DMD: variants seen among roughly 807,000 people sequenced by gnomAD.
The protein encoded by DMD is mutant dystrophin.
In DMD, 63 loss-of-function variants were observed where a neutral mutation model predicts 330.1. The observed-to-expected ratio is 0.19, with a 90% CI of 0.16 to 0.24. The LOEUF (loss-of-function observed/expected upper bound fraction) is 0.24. DMD is among the 10% of genes least tolerant of loss of function. The probability of loss-of-function intolerance (pLI) is 1.00; values close to 1 mark genes in which losing one functional copy is unlikely to be tolerated. For missense variants in DMD, 3,344 were observed against 2,684.1 expected, an observed-to-expected ratio of 1.25 and a Z score of -5.43; for synonymous variants, 1,223 against 959.8, an observed-to-expected ratio of 1.27 and a Z score of -5.07.
chrX:32,312,305 GA>G (rs1373768710), intron 41 of DMD, among the ~76,000 whole-genome samples: 1 of 111,113 alleles, frequency 9.0e-6, no homozygotes, highest in Non-Finnish European at 1.9e-5. Context: ...TTTCTTAAAA[GA>G]AAAATAATTC....
At chrX:33,078,541 T>A (rs1427199128) in intron 1 of DMD, among the ~76,000 whole-genome samples, 1 of 112,211 alleles carries the variant, frequency 8.9e-6, no homozygotes, top group Non-Finnish European at 1.9e-5. Context: ...AAATAAGTTA[T>A]GTTGACTCTG....
In DMD at chrX:33,008,041, T is replaced by C. The variant is rs995544272; in HGVS notation, c.93+12098A>G. 4.5e-5 allele frequency among the ~76,000 whole-genome samples: 5 copies of C among 111,400 alleles called. No individual in the cohort carries two copies. The Admixed American group carries it at 4.8e-4, about 11-fold the overall frequency. On this transcript the variant is annotated intron_variant, in intron 2 of 78. Transcript: ENST00000357033. The stretch of plus-strand genomic sequence containing the variant: ...GCTAATGCTAAACCAAAGAGTAACT[T>C]CACACATTTCTAATGAAAAGGTCTC...
intron 7 of DMD, among the ~76,000 whole-genome samples, chrX:32,796,945 A>G (rs1168860039): frequency 8.9e-6 from 1 of 112,249 alleles, no homozygotes; most frequent in Non-Finnish European, 1.9e-5. Context: ...ATATTGTTGT[A>G]AAATAGTATA....
chrX:32,862,260 G>A (rs1429498881), intron 2 of DMD, among the ~76,000 whole-genome samples: 2 of 112,159 alleles, frequency 1.8e-5, no homozygotes, highest in African/African-American at 6.5e-5. Flanking sequence ...GATATAAAAT[G>A]TTATTTGGCA....
chrX:31,317,337 G>GA lies in DMD; in HGVS notation c.9224+6260dup, dbSNP rs113587801. Among the ~76,000 whole-genome samples the GA allele has an allele frequency of 3.0e-3, 333 of 110,486 alleles. 2 individuals carry two copies. Among genetic ancestry groups the GA allele is most frequent in the African/African-American group, 0.011 (324 of 30,360 alleles). On this transcript the variant is annotated intron_variant, in intron 62 of 78. Coordinates refer to ENST00000357033, the MANE Select transcript of DMD (RefSeq NM_004006.3). ...TAGCTGCTAAAAGGTATATTTTGAAGAAAAATATACATAAGAAGGATCTTA... is the reference window on the plus strand; with the variant it reads ...TAGCTGCTAAAAGGTATATTTTGAAGAAAAAATATACATAAGAAGGATCTTA...
chrX:31,223,801 T>C lies in DMD; in HGVS notation c.9287-680A>G, dbSNP rs541123305. On this transcript the variant is annotated intron_variant, in intron 63 of 78. Coordinates refer to ENST00000357033, the MANE Select transcript of DMD (RefSeq NM_004006.3). ...CTACAAAAAAAGTTTATATAAACCT[T>C]TTAAATAAGCACTGTTAACATTTTG... 8.0e-5 allele frequency among the ~76,000 whole-genome samples: 9 copies of C among 112,322 alleles called. No individual in the cohort carries two copies. In the South Asian group the frequency reaches 3.4e-3, roughly 42 times the overall value.
chrX:32,041,447 A>T (rs977651587), intron 44 of DMD, among the ~76,000 whole-genome samples: 1 of 112,137 alleles, frequency 8.9e-6, no homozygotes, highest in Non-Finnish European at 1.9e-5. Context: ...AGACATAAGT[A>T]TCATCAGCCA....
At position 32,823,265 on chromosome X, in the gene DMD, C is replaced by G. The variant is rs202222166; in HGVS notation, c.357+30G>C. ...ATTAAAAAACAAGATTAATGTTACC[C>G]AAAAGGAAACCATTCATCAGGATTC... On this transcript the variant is annotated intron_variant, in intron 5 of 78. Transcript: ENST00000357033. 5.4e-5 allele frequency: 60 copies of G among 1,120,858 alleles called. No homozygotes were observed. In the East Asian group the frequency reaches 1.7e-3, roughly 31 times the overall value. The allele number at this position is 1,120,858 out of a possible 1,213,427, so 92.4% of individuals were successfully genotyped here. A position where few individuals can be genotyped will look rare whatever the true frequency, so the allele number is the denominator to read the frequency against.
intron 12 of DMD, among the ~76,000 whole-genome samples, chrX:32,601,075 C>T (rs2056154430): frequency 9.0e-6 from 1 of 110,878 alleles, no homozygotes; most frequent in African/African-American, 3.3e-5. Flanking sequence ...CCTCTATGCC[C>T]CATTCCTTCT....
chrX:33,011,482 T>A (rs1195881609), intron 2 of DMD, among the ~76,000 whole-genome samples: 2 of 112,312 alleles, frequency 1.8e-5, no homozygotes, highest in African/African-American at 6.4e-5. Flanking sequence ...TTTAAAAAGC[T>A]ATTATCCTCT....
chrX:32,754,280 A>C (rs2071203449), intron 7 of DMD, among the ~76,000 whole-genome samples: 1 of 111,080 alleles, frequency 9.0e-6, no homozygotes, highest in Non-Finnish European at 1.9e-5. Flanking sequence ...GGAAACTGAA[A>C]CACAGTATGA....
intron 60 of DMD, among the ~76,000 whole-genome samples, chrX:31,412,657 C>T (rs902130995): frequency 5.4e-5 from 6 of 111,731 alleles, no homozygotes; most frequent in African/African-American, 9.8e-5. Context: ...AGGAGGACTT[C>T]GGACTTAGTG....
chrX:31,564,254 C>A (rs1411123308), intron 55 of DMD, among the ~76,000 whole-genome samples: 1 of 111,826 alleles, frequency 8.9e-6, no homozygotes, highest in African/African-American at 3.3e-5. Context: ...TGGTATTTCA[C>A]TATTGCAGTC....
rs909749182 is a variant in DMD at position 33,021,612 on chromosome X, A to C, written c.32-1412T>G. Reference sequence around the variant, plus strand: ...CATAACAAATATATGCATGCACCAAAAATATCTGTTTATCTTTAAATCACA... The same window carrying C: ...CATAACAAATATATGCATGCACCAACAATATCTGTTTATCTTTAAATCACA... On this transcript the variant is annotated intron_variant, in intron 1 of 78. Coordinates refer to ENST00000357033, the MANE Select transcript of DMD (RefSeq NM_004006.3). 4.5e-5 allele frequency among the ~76,000 whole-genome samples: 5 copies of C among 111,671 alleles called. No homozygotes were observed. In the South Asian group the frequency reaches 1.1e-3, roughly 25 times the overall value.
intron 2 of DMD, among the ~76,000 whole-genome samples, chrX:32,907,464 T>C (rs777538222): frequency 2.7e-5 from 3 of 112,229 alleles, no homozygotes; most frequent in Admixed American, 9.5e-5. Context: ...TTCATGTACA[T>C]ACAGTTCTAC....
chrX:32,427,170 A>G (rs1239257903), intron 29 of DMD, among the ~76,000 whole-genome samples: 2 of 111,982 alleles, frequency 1.8e-5, no homozygotes, highest in Non-Finnish European at 3.8e-5. Context: ...CTGGTAAAGA[A>G]AGACAAGAAT....
At chrX:32,500,078 T>C (rs1027262214) in intron 19 of DMD, among the ~76,000 whole-genome samples, 84 of 110,304 alleles carry the variant, frequency 7.6e-4, no homozygotes, top group Middle Eastern at 9.2e-3. Flanking sequence ...AACAAAAGGG[T>C]AGCATAAAAT....
intron 59 of DMD, among the ~76,000 whole-genome samples, chrX:31,448,949 T>A (rs1243964565): frequency 8.9e-6 from 1 of 112,452 alleles, no homozygotes; most frequent in Non-Finnish European, 1.9e-5. Flanking sequence ...TAGCTAAGGA[T>A]TTGTTCAAAT....
chrX:33,273,024 A>G (rs1249345533), intron 1 of DMD, among the ~76,000 whole-genome samples: 1 of 111,919 alleles, frequency 8.9e-6, no homozygotes, highest in African/African-American at 3.2e-5. Flanking sequence ...TTATTGAATT[A>G]TTGATTGCAC....
Sources: allele counts gnomAD v4.1 joint callset (sites outside exome capture counted in the v4.1 genomes callset), GRCh38; gene constraint gnomAD v4.1.1; transcripts MANE v1.5; gene names NCBI Gene and HGNC (gene_info 2026-07-23, HGNC 2026-07-21).